The following PIWIL3 variants were observed in gnomAD, a reference collection of about 807,000 sequenced individuals.
The protein encoded by PIWIL3 is piwi like RNA-mediated gene silencing 3.
Under a neutral mutation model 109.7 loss-of-function variants are expected in PIWIL3, and 101 were observed. That is an observed-to-expected ratio of 0.92 (90% CI 0.78 to 1.09). PIWIL3 has a LOEUF of 1.09. Among genes scored for constraint, PIWIL3 ranks in the 50% least tolerant of loss-of-function variants. PIWIL3 has a pLI of 0.00. For synonymous variants in PIWIL3, 373 were observed against 376.4 expected, an observed-to-expected ratio of 0.99 and a Z score of 0.10; for missense variants, 1,031 against 1,072.6, an observed-to-expected ratio of 0.96 and a Z score of 0.54.
intron 19 of PIWIL3, among the ~76,000 whole-genome samples, chr22:24,722,061 C>G (rs1241352457): frequency 1.3e-5 from 2 of 152,134 alleles, no homozygotes; most frequent in African/African-American, 4.8e-5. Flanking sequence ...AGAAACTGGT[C>G]TCTTTTTTCA....
In PIWIL3 at chr22:24,723,151, A is replaced by G; in HGVS notation, c.2336T>C (p.Val779Ala). ...TTACCATTCATTCCTAGTCAACTCT[A>G]CATCAATAACTGTTCCTGGAGGTGG... ...QNPPPGTVID[V>A]ELTRNEWYDF... Residue 779 changes from valine (V) to alanine (A), a missense_variant, in exon 19 of 21, where the codon GTA becomes GCA. Coordinates refer to ENST00000616349, the MANE Select transcript of PIWIL3 (RefSeq NM_001255975.1). The G allele has an allele frequency of 6.2e-7, 1 of 1,613,458 alleles. No individual in the cohort carries two copies. Among genetic ancestry groups the G allele is most frequent in the Non-Finnish European group, 8.5e-7 (1 of 1,179,474 alleles).
At chr22:24,746,898 G>A (rs1473812536) in intron 12 of PIWIL3, among the ~76,000 whole-genome samples, 2 of 151,870 alleles carry the variant, frequency 1.3e-5, no homozygotes, top group African/African-American at 2.4e-5. Context: ...TAGAAGAATC[G>A]ATACATTAAA....
intron 2 of PIWIL3, among the ~76,000 whole-genome samples, chr22:24,760,939 A>T (rs1925399536): frequency 6.6e-6 from 1 of 151,980 alleles, no homozygotes. Flanking sequence ...GGTGGTGAGA[A>T]ATTGTCTGAT....
rs756288296 is a variant in PIWIL3 at position 24,756,613 on chromosome 22, T to G, written c.448A>C (p.Lys150Gln). ...WVAYKYNVDY[K>Q]PDIEDGNLRT... ...AGATTTCCATCTTCTATGTCTGGTT[T>G]GTAGTCAACGTTGTATTTATATGCA... is the stretch of plus-strand genomic sequence containing the variant. Residue 150 changes from lysine (K) to glutamine (Q), a missense_variant, in exon 5 of 21, where the codon AAA becomes CAA. Physicochemically the swap from Lys to Gln is moderately conservative, Grantham distance 53 (BLOSUM62 1). Coordinates refer to ENST00000616349, the MANE Select transcript of PIWIL3 (RefSeq NM_001255975.1). 6.2e-7 allele frequency: 1 copy of G among 1,614,090 alleles called. No individual in the cohort carries two copies. Among genetic ancestry groups the G allele is most frequent in the East Asian group, 2.2e-5 (1 of 44,890 alleles).
chr22:24,750,541 T>C lies in PIWIL3; in HGVS notation c.1090-722A>G, dbSNP rs548661541. Among the ~76,000 whole-genome samples the C allele has an allele frequency of 2.7e-3, 381 of 140,000 alleles. 4 individuals are homozygous for C. Among genetic ancestry groups the C allele is most frequent in the African/African-American group, 9.6e-3 (359 of 37,380 alleles). The allele number at this position is 140,000 out of a possible 152,430, so 91.8% of individuals were successfully genotyped here. A position where few individuals can be genotyped will look rare whatever the true frequency, so the allele number is the denominator to read the frequency against. ...TTCACTCCTGTTGCCCAGGCTGGAGTGCAACGGCGCGATCTTGGCTCACTG... is the reference window on the plus strand; with the variant it reads ...TTCACTCCTGTTGCCCAGGCTGGAGCGCAACGGCGCGATCTTGGCTCACTG... On this transcript the variant is annotated intron_variant, in intron 9 of 20. Transcript: ENST00000616349.
rs141857819 is a variant in PIWIL3 at position 24,722,757 on chromosome 22, C to T, written c.2357+373G>A. 5.5e-3 allele frequency among the ~76,000 whole-genome samples: 836 copies of T among 152,206 alleles called. 7 individuals carry two copies. Among genetic ancestry groups the T allele is most frequent in the African/African-American group, 0.018 (763 of 41,532 alleles). ...TACCTACCTACCTCTCAGGCTACTG[C>T]ATAAACATTTTGATGGTCGTGATAT... On this transcript the variant is annotated intron_variant, in intron 19 of 20. Coordinates refer to ENST00000616349, the MANE Select transcript of PIWIL3 (RefSeq NM_001255975.1).
At chr22:24,747,973 T>G (rs1924471428) in intron 12 of PIWIL3, among the ~76,000 whole-genome samples, 1 of 152,194 alleles carries the variant, frequency 6.6e-6, no homozygotes, top group Non-Finnish European at 1.5e-5. Flanking sequence ...TGAAGAGATA[T>G]CTGTACTTCC....
chr22:24,751,302 A>G, intron 9 of PIWIL3, 85 bp downstream of exon 9: 1 of 1,333,656 alleles, frequency 7.5e-7, no homozygotes, highest in Non-Finnish European at 1.0e-6. Context: ...TTATATGACA[A>G]ATATGTTCAA....
chr22:24,720,259 G>GTTTTTTTTTTTT (rs56087060), intron 19 of PIWIL3, among the ~76,000 whole-genome samples: 4 of 105,490 alleles, frequency 3.8e-5, no homozygotes, highest in African/African-American at 1.4e-4. Context: ...TATTTAAACT[G>GTTTTTTTTTTTT]TTTTTTTTTT....
chr22:24,738,306 G>A (rs1312272316), intron 12 of PIWIL3, among the ~76,000 whole-genome samples: 2 of 152,226 alleles, frequency 1.3e-5, no homozygotes, highest in Non-Finnish European at 2.9e-5. Context: ...TTCTGTACCT[G>A]CCCAGGGCCT....
chr22:24,753,805 G>C lies in PIWIL3; in HGVS notation c.977+209C>G, dbSNP rs368614834. Among the ~76,000 whole-genome samples, 4 of 152,310 alleles carry C rather than the reference G, an allele frequency of 2.6e-5. No homozygotes were observed. In the South Asian group the frequency reaches 8.3e-4, roughly 32 times the overall value. ...AGGTAGGGTTCAGAACAAATGGACT[G>C]GCATTAGGGATTTCAAGAAGAGTGA... On this transcript the variant is annotated intron_variant, in intron 8 of 20. Transcript: ENST00000616349.
chr22:24,748,503 A>G (rs1924502438), intron 12 of PIWIL3, among the ~76,000 whole-genome samples: 1 of 152,214 alleles, frequency 6.6e-6, no homozygotes, highest in African/African-American at 2.4e-5. Context: ...TATGCACTGC[A>G]TGCCTGTATC....
chr22:24,750,474 C>G (rs1012047005), intron 9 of PIWIL3, among the ~76,000 whole-genome samples: 1 of 142,736 alleles, frequency 7.0e-6, no homozygotes, highest in Non-Finnish European at 1.5e-5. Context: ...GAAGTCTTAC[C>G]ACATTTGATT....
chr22:24,763,312 T>A (rs1601851963), intron 1 of PIWIL3, among the ~76,000 whole-genome samples: 1 of 151,718 alleles, frequency 6.6e-6, no homozygotes, highest in East Asian at 1.9e-4. Flanking sequence ...TTTGTTTGTT[T>A]TTTATTTTGA....
At chr22:24,757,778 T>C (rs1288237433) in intron 4 of PIWIL3, 130 bp downstream of exon 4, 1 of 1,117,088 alleles carries the variant, frequency 9.0e-7, no homozygotes, top group Non-Finnish European at 1.2e-6. Flanking sequence ...GCCCAGGAGT[T>C]TGAGGCTAAA....
At chr22:24,740,234 A>AAAAAAT (rs1923916259) in intron 12 of PIWIL3, among the ~76,000 whole-genome samples, 1 of 149,406 alleles carries the variant, frequency 6.7e-6, no homozygotes, top group Non-Finnish European at 1.5e-5. Flanking sequence ...AAAAAAAAAA[A>AAAAAAT]TTTCTAAAAG....
intron 9 of PIWIL3, among the ~76,000 whole-genome samples, chr22:24,750,850 G>A (rs922135101): frequency 6.6e-6 from 1 of 150,650 alleles, no homozygotes; most frequent in African/African-American, 2.4e-5. Context: ...TAGGCTGGAT[G>A]CAGTGGCTCA....
rs1294959186 is a variant in PIWIL3 at position 24,756,650 on chromosome 22, A to G, written c.411T>C (p.Arg137=). 5.0e-6 allele frequency: 8 copies of G among 1,614,112 alleles called. No individual in the cohort carries two copies. Among genetic ancestry groups the G allele is most frequent in the Non-Finnish European group, 5.9e-6 (7 of 1,179,998 alleles). ...LLANHFRVIS[R]PQWVAYKYNV... is the part of the protein sequence containing the mutation. ...TGTATTTATATGCAACCCACTGAGGACGAGATATCACTCGGAAGTGGTTGG... is the reference window on the plus strand; with the variant it reads ...TGTATTTATATGCAACCCACTGAGGGCGAGATATCACTCGGAAGTGGTTGG... The change falls in exon 5 of 21, where the codon CGT becomes CGC. Residue 137 remains arginine, a synonymous_variant. Transcript: ENST00000616349.
At chr22:24,726,565 G>A (rs548300177) in intron 16 of PIWIL3, among the ~76,000 whole-genome samples, 8 of 152,312 alleles carry the variant, frequency 5.3e-5, no homozygotes, top group South Asian at 2.1e-4. Context: ...GATTACAGGC[G>A]TGAGCCGCCG....
Sources: gnomAD v4.1 joint callset for allele counts (sites outside exome capture counted in the v4.1 genomes callset) on GRCh38, gnomAD v4.1.1 for gene constraint, MANE v1.5 for transcripts, NCBI Gene and HGNC (gene_info 2026-07-23, HGNC 2026-07-21) for gene names.